HAO1: variants seen among roughly 807,000 people sequenced by gnomAD.
The protein encoded by HAO1 is hydroxyacid oxidase 1.
In HAO1, 34 loss-of-function variants were observed where a neutral mutation model predicts 39.7. The observed-to-expected ratio is 0.86, with a 90% confidence interval of 0.65 to 1.14. The LOEUF is 1.14. Among genes scored for constraint, HAO1 ranks in the 50% most tolerant of loss-of-function variants. The pLI is 0.00. For synonymous variants in HAO1, 172 were observed against 173.2 expected, an observed-to-expected ratio of 0.99 and a Z score of 0.05; for missense variants, 479 against 464.5, an observed-to-expected ratio of 1.03 and a Z score of -0.29.
At chr20:7,891,021 T>G (rs186382241) in intron 5 of HAO1, among the ~76,000 whole-genome samples, 1 of 152,226 alleles carries the variant, frequency 6.6e-6, no homozygotes, top group Non-Finnish European at 1.5e-5. Flanking sequence ...TGTGCAAGTA[T>G]CTTTTTCGAA....
At chr20:7,906,888 G>A (rs1048271454) in intron 3 of HAO1, among the ~76,000 whole-genome samples, 1 of 152,116 alleles carries the variant, frequency 6.6e-6, no homozygotes, top group Non-Finnish European at 1.5e-5. Flanking sequence ...CTCCAAACTG[G>A]GTCCCTTGAC....
intron 4 of HAO1, among the ~76,000 whole-genome samples, chr20:7,902,820 A>T (rs1007040550): frequency 6.6e-6 from 1 of 152,330 alleles, no homozygotes; most frequent in East Asian, 1.9e-4. Flanking sequence ...AGTACATGTT[A>T]GGAGCTTGCG....
intron 2 of HAO1, among the ~76,000 whole-genome samples, chr20:7,928,416 A>G (rs944263811): frequency 2.9e-4 from 44 of 152,176 alleles, no homozygotes; most frequent in African/African-American, 1.0e-3. Flanking sequence ...ATATACTGAA[A>G]AAAATTGCAA....
At chr20:7,895,771 G>A (rs1212862079) in intron 4 of HAO1, among the ~76,000 whole-genome samples, 3 of 152,156 alleles carry the variant, frequency 2.0e-5, no homozygotes, top group African/African-American at 4.8e-5. Context: ...AAATTGGCCA[G>A]GTGCAGTGGC....
At chr20:7,921,322 G>A (rs1054674078) in intron 2 of HAO1, among the ~76,000 whole-genome samples, 8 of 151,904 alleles carry the variant, frequency 5.3e-5, no homozygotes, top group African/African-American at 1.9e-4. Context: ...TCAAACAAAG[G>A]CATAAAAGAG....
intron 4 of HAO1, among the ~76,000 whole-genome samples, chr20:7,901,225 A>G (rs1238704604): frequency 6.6e-6 from 1 of 152,208 alleles, no homozygotes; most frequent in Non-Finnish European, 1.5e-5. Context: ...CAAGTTATCC[A>G]GGAGATCTAG....
chr20:7,937,745 G>A (rs2050419784), intron 1 of HAO1, among the ~76,000 whole-genome samples: 2 of 152,128 alleles, frequency 1.3e-5, no homozygotes, highest in Admixed American at 1.3e-4. Context: ...GTTCTTCGTT[G>A]AATTAATCCC....
chr20:7,911,669 G>C (rs906512955), intron 3 of HAO1, among the ~76,000 whole-genome samples: 1 of 152,138 alleles, frequency 6.6e-6, no homozygotes, highest in Non-Finnish European at 1.5e-5. Flanking sequence ...CTCTTGCTGG[G>C]CCCAGATGCC....
At chr20:7,892,990 T>A (rs1270912809) in intron 5 of HAO1, among the ~76,000 whole-genome samples, 1 of 152,136 alleles carries the variant, frequency 6.6e-6, no homozygotes, top group Non-Finnish European at 1.5e-5. Context: ...CTTCTCTCTT[T>A]TCTTGGCTAT....
intron 2 of HAO1, among the ~76,000 whole-genome samples, chr20:7,923,657 G>T (rs1050125089): frequency 6.6e-6 from 1 of 152,062 alleles, no homozygotes; most frequent in African/African-American, 2.4e-5. Context: ...CCTTTGGCTT[G>T]GAACCAACAG....
chr20:7,892,068 T>TACTTTTCATC (rs1310451687), intron 5 of HAO1, among the ~76,000 whole-genome samples: 2 of 152,056 alleles, frequency 1.3e-5, no homozygotes, highest in Admixed American at 6.6e-5. Context: ...CAGTTTTCAT[T>TACTTTTCATC]ACTTTTCATC....
At chr20:7,893,239 C>G (rs771237903) in intron 5 of HAO1, among the ~76,000 whole-genome samples, 1 of 152,196 alleles carries the variant, frequency 6.6e-6, no homozygotes, top group East Asian at 1.9e-4. Context: ...AAAGAGATCT[C>G]GCCTAACTGA....
intron 5 of HAO1, among the ~76,000 whole-genome samples, chr20:7,886,481 T>C (rs1037302537): frequency 6.6e-6 from 1 of 152,164 alleles, no homozygotes; most frequent in Non-Finnish European, 1.5e-5. Context: ...AGTATTTTAT[T>C]GACATAAATT....
At chr20:7,934,040 A>G (rs1270163194) in intron 2 of HAO1, among the ~76,000 whole-genome samples, 1 of 152,196 alleles carries the variant, frequency 6.6e-6, no homozygotes, top group Non-Finnish European at 1.5e-5. Context: ...GTTTTGAGAT[A>G]AGGTAGCCAC....
chr20:7,934,237 G>A (rs6038979), intron 2 of HAO1, among the ~76,000 whole-genome samples: 3 of 152,220 alleles, frequency 2.0e-5, no homozygotes, highest in African/African-American at 7.2e-5. Context: ...CAATGAGGCA[G>A]GTACAATTTT....
At chr20:7,906,123 A>G (rs2050246432) in intron 4 of HAO1, 31 bp downstream of exon 4, 3 of 1,454,312 alleles carry the variant, frequency 2.1e-6, no homozygotes, top group African/African-American at 2.8e-5. Context: ...TCACAAAGTC[A>G]GTATGAATTC....
chr20:7,924,194 G>GTGT (rs3835201), intron 2 of HAO1, among the ~76,000 whole-genome samples: 14,782 of 148,612 alleles, frequency 0.099, 881 homozygotes, highest in East Asian at 0.19. Context: ...AGTTTGGGTT[G>GTGT]TGTTGTTGTT....
At chr20:7,934,726 A>C (rs2050402318) in intron 1 of HAO1, 91 bp from the exon 2 acceptor site, 2 of 754,830 alleles carry the variant, frequency 2.6e-6, no homozygotes, top group Admixed American at 7.2e-5. Flanking sequence ...AAAAGAAAAA[A>C]TATAATTGGA....
At chr20:7,911,156 C>G (rs2050277726) in intron 3 of HAO1, among the ~76,000 whole-genome samples, 1 of 152,180 alleles carries the variant, frequency 6.6e-6, no homozygotes, top group Admixed American at 6.5e-5. Context: ...CGCAGTGAGG[C>G]AGAGGTCATG....
Sources: allele counts gnomAD v4.1 joint callset (sites outside exome capture counted in the v4.1 genomes callset), GRCh38; gene constraint gnomAD v4.1.1; transcripts MANE v1.5; gene names NCBI Gene and HGNC (gene_info 2026-07-23, HGNC 2026-07-21).